Variants in RAET1L observed in about 807,000 individuals in gnomAD.
RAET1L encodes the protein retinoic acid early transcript 1L, also known as UL16-binding protein 6.
RAET1L carries 16 observed loss-of-function variants against 23.9 expected under a neutral mutation model. The ratio of observed to expected loss-of-function variants is 0.67; its 90% CI spans 0.45 to 1.02. The LOEUF (loss-of-function observed/expected upper bound fraction) is 1.02, where lower values mean the gene tolerates loss of function less well. Among genes scored for constraint, RAET1L ranks in the 50% least tolerant of loss-of-function variants. The pLI, the probability that RAET1L is intolerant of heterozygous loss-of-function variation, is 0.00. For synonymous variants in RAET1L, 70 were observed against 111.2 expected, an observed-to-expected ratio of 0.63 and a Z score of 2.33; for missense variants, 233 against 304.0, an observed-to-expected ratio of 0.77 and a Z score of 1.74.
Position 150,024,295 on chromosome 6 carries a change from C to A in RAET1L, c.85+1092G>T, listed in dbSNP as rs565969173. Reference sequence around the variant, plus strand: ...TCAGAGACATCACTTGGAGATGACACCCTAGGGGATGGGGCACTGGGACAC... The same window carrying A: ...TCAGAGACATCACTTGGAGATGACAACCTAGGGGATGGGGCACTGGGACAC... On this transcript the variant is annotated intron_variant, in intron 1 of 4. Transcript: ENST00000367341. Among the ~76,000 whole-genome samples the A allele has an allele frequency of 3.5e-4, 54 of 152,264 alleles. 1 individual carries two copies. In the South Asian group the frequency reaches 8.1e-3, roughly 23 times the overall value.
At chr6:150,020,316 C>G (rs1465613273) in intron 3 of RAET1L, 77 bp from the exon 4 acceptor site, 1 of 1,547,284 alleles carries the variant, frequency 6.5e-7, no homozygotes, top group Admixed American at 1.8e-5. Context: ...TTCCTGCCAC[C>G]CTAGGTCATC....
rs1582847690 is a variant in RAET1L, at chr6:150,020,929, T to C, written c.607A>G (p.Ser203Gly). The C allele has an allele frequency of 6.2e-7, 1 of 1,614,210 alleles. No homozygotes were observed. The highest frequency in any genetic ancestry group is 8.5e-7 in the Non-Finnish European group (1 of 1,180,042). ...CCTCCTGCACTTGGCTCCAGGGTGC[T>C]GTCCATGCCCATCAAGAAGTCCTCA... ...WLEDFLMGMD[S>G]TLEPSAGAPL... is the part of the protein sequence containing the mutation. Residue 203 changes from serine (S) to glycine (G), a missense_variant, in exon 3 of 5, where the codon AGC becomes GGC. Ser to Gly is a moderately conservative substitution (Grantham distance 56). Transcript: ENST00000367341.
chr6:150,021,184 G>T lies in RAET1L; in HGVS notation c.352C>A (p.Pro118Thr). 2 of 1,611,048 alleles carry T rather than the reference G, an allele frequency of 1.2e-6. No homozygotes were observed. Among genetic ancestry groups the T allele is most frequent in the South Asian group, 1.1e-5 (1 of 90,860 alleles). ...GACATCCTTGCCTGCAGGGTGAGGG[G>T]TTCTGCCCCCATCAGAGAGAGATCA... Reference protein sequence around the residue: ...IQLENYTPKEPLTLQARMSCE... With the variant: ...IQLENYTPKETLTLQARMSCE... The change falls in exon 3 of 5, where the codon CCC (proline) becomes ACC (threonine). Residue 118 changes from proline (P) to threonine (T), a missense_variant and splice_region_variant. By Grantham distance (38) the Pro-to-Thr change is conservative (BLOSUM62 -1). This residue lies in a region of RAET1L where 139 missense variants were observed against 125.3 expected (regional missense o/e 1.11). Transcript: ENST00000367341.
At chr6:150,024,499 G>T (rs1340380473) in intron 1 of RAET1L, among the ~76,000 whole-genome samples, 2 of 151,348 alleles carry the variant, frequency 1.3e-5, no homozygotes, top group Admixed American at 6.7e-5. Context: ...GAAAGGGTTT[G>T]CTGACCCCTG....
At chr6:150,020,836 A>G (rs2114758085) in intron 3 of RAET1L, 69 bp downstream of exon 3, 1 of 1,588,878 alleles carries the variant, frequency 6.3e-7, no homozygotes, top group Non-Finnish European at 8.6e-7. Flanking sequence ...AGCTGAACTC[A>G]AGAACTAACT....
chr6:150,019,431 T>G (rs1399378176), intron 4 of RAET1L, among the ~76,000 whole-genome samples: 1 of 152,182 alleles, frequency 6.6e-6, no homozygotes, highest in Non-Finnish European at 1.5e-5. Flanking sequence ...GGGCTATGAC[T>G]GGGCTCAGGA....
Position 150,020,930 on chromosome 6 carries a change from G to A in RAET1L, c.606C>T (p.Asp202=), listed in dbSNP as rs1779878126. 1 of 1,614,048 alleles carries A rather than the reference G, an allele frequency of 6.2e-7. No individual in the cohort carries two copies. The highest frequency in any genetic ancestry group is 1.1e-5 in the South Asian group (1 of 91,088). Residue 202 remains aspartate (D), a synonymous_variant, in exon 3 of 5, where the codon GAC becomes GAT. Coordinates refer to ENST00000367341, the MANE Select transcript of RAET1L (RefSeq NM_130900.3). ...CTCCTGCACTTGGCTCCAGGGTGCT[G>A]TCCATGCCCATCAAGAAGTCCTCAA... ...GWLEDFLMGM[D]STLEPSAGAP...
At chr6:150,024,438 C>T (rs1258140365) in intron 1 of RAET1L, among the ~76,000 whole-genome samples, 2 of 152,254 alleles carry the variant, frequency 1.3e-5, no homozygotes, top group Non-Finnish European at 2.9e-5. Flanking sequence ...GACACAGAGA[C>T]GGAGAACCCA....
At chr6:150,023,148 G>T (rs1290089545) in intron 1 of RAET1L, among the ~76,000 whole-genome samples, 2 of 147,730 alleles carry the variant, frequency 1.4e-5, no homozygotes, top group East Asian at 3.9e-4. Flanking sequence ...AGCAAGGAGG[G>T]TGCAATGATG....
chr6:150,024,549 T>A (rs1779924810), intron 1 of RAET1L, among the ~76,000 whole-genome samples: 1 of 150,294 alleles, frequency 6.7e-6, no homozygotes, highest in Non-Finnish European at 1.5e-5. Flanking sequence ...GACACCCCCG[T>A]AGGAAGAACA....
At position 150,020,910 on chromosome 6, in the gene RAET1L, G is replaced by A. The variant is rs754760466; in HGVS notation, c.626C>T (p.Ala209Val). The change falls in exon 3 of 5, where the codon GCA becomes GTA. Residue 209 changes from alanine to valine, a missense_variant. Around this residue, in one of 4 missense-constraint regions of RAET1L, gnomAD observed 139 missense variants for 125.3 expected, o/e 1.11. Coordinates refer to ENST00000367341, the MANE Select transcript of RAET1L (RefSeq NM_130900.3). ...GTTTCTTTTTCTCCTGTTACCTCCT[G>A]CACTTGGCTCCAGGGTGCTGTCCAT... ...MGMDSTLEPS[A>V]GAPLAMSSGT... The A allele has an allele frequency of 1.9e-6, 3 of 1,613,992 alleles. No homozygotes were observed. Among genetic ancestry groups the A allele is most frequent in the Non-Finnish European group, 2.5e-6 (3 of 1,179,948 alleles).
At position 150,020,339 on chromosome 6, in the gene RAET1L, A is replaced by T; in HGVS notation, c.632-100T>A. 6 of 1,592,470 alleles carry T rather than the reference A, an allele frequency of 3.8e-6. No individual in the cohort carries two copies. The South Asian group carries it at 6.7e-5, about 18-fold the overall frequency. ...ACCCTAGGTCATCCTGGAAGGCAAA[A>T]GTTTTGTCCCCTCCCCCCTGGTGTG... On this transcript the variant is annotated intron_variant, in intron 3 of 4. Transcript: ENST00000367341.
rs777303842 is a variant in RAET1L at position 150,022,033 on chromosome 6, T to A, written c.296A>T (p.Asp99Val). 7.1e-7 allele frequency: 1 copy of A among 1,411,754 alleles called. No individual in the cohort carries two copies. Among genetic ancestry groups the A allele is most frequent in the Non-Finnish European group, 1.0e-6 (1 of 1,004,644 alleles). 87.5% of individuals were successfully genotyped at this position (1,411,754 alleles called of 1,614,324 possible). A position where few individuals can be genotyped will look rare whatever the true frequency, so the allele number is the denominator to read the frequency against. ...AQNPVLREVV[D>V]ILTEQLLDIQ... ...GTCAAGCAGTTGCTCTGTAAGTATG[T>A]CCACCACCTCTCTCAGTACTGGGTT... The change falls in exon 2 of 5, where the codon GAC becomes GTC. Residue 99 changes from aspartate to valine, a missense_variant. By Grantham distance (152) the Asp-to-Val change is radical. Coordinates refer to ENST00000367341, the MANE Select transcript of RAET1L (RefSeq NM_130900.3).
chr6:150,021,335 A>AT (rs61404045), intron 2 of RAET1L, 149 bp from the exon 3 acceptor site: 54,975 of 772,734 alleles, frequency 0.071, 67 homozygotes, highest in Non-Finnish European at 0.078. Flanking sequence ...TCCCATTTGT[A>AT]TTTTTTTTTT....
At chr6:150,020,869 C>A (rs759917031) in intron 3 of RAET1L, 36 bp downstream of exon 3, 1 of 1,607,376 alleles carries the variant, frequency 6.2e-7, no homozygotes. Context: ...CATTTCTGAT[C>A]TCATTTAAGA....
intron 4 of RAET1L, among the ~76,000 whole-genome samples, chr6:150,019,598 C>G (rs1351275135): frequency 1.9e-5 from 2 of 104,840 alleles, no homozygotes; most frequent in Admixed American, 9.0e-5. Context: ...GCCCTGCACT[C>G]CCTCCTTTTC....
intron 1 of RAET1L, among the ~76,000 whole-genome samples, chr6:150,023,625 A>C (rs35100484): frequency 0.012 from 1,773 of 152,330 alleles, 29 homozygotes; most frequent in African/African-American, 0.041. Context: ...ACAATCCATG[A>C]ATGATGAGCG....
At position 150,025,479 on chromosome 6, in the gene RAET1L, C is replaced by T. The variant is rs770433698; in HGVS notation, c.-8G>A. The T allele has an allele frequency of 1.9e-6, 3 of 1,611,896 alleles. No homozygotes were observed. The highest frequency in any genetic ancestry group is 2.7e-5 in the African/African-American group (2 of 74,876). On this transcript the variant is annotated 5_prime_UTR_variant, in exon 1 of 5. Transcript: ENST00000367341. ...GATGGCGGCTGCTGCCATTGGGGAC[C>T]AGGAGGGCTGGGGACAAGAGATTTA...
At chr6:150,023,672 C>A (rs558274947) in intron 1 of RAET1L, among the ~76,000 whole-genome samples, 5 of 152,258 alleles carry the variant, frequency 3.3e-5, no homozygotes, top group Middle Eastern at 3.4e-3. Context: ...TGACCCAAGA[C>A]CCCCTAAGAT....
Sources: gnomAD v4.1 joint callset for allele counts (sites outside exome capture counted in the v4.1 genomes callset) on GRCh38, gnomAD v4.1.1 for gene constraint, gnomAD v4.1.1 regional missense constraint, MANE v1.5 for transcripts, NCBI Gene and HGNC (gene_info 2026-07-23, HGNC 2026-07-21) for gene names.